The following METTL15 variants were observed in gnomAD, a reference collection of about 807,000 sequenced individuals.
The protein encoded by METTL15 is methyltransferase 15, mitochondrial 12S rRNA N4-cytidine, also known as 12S rRNA N(4)-cytidine methyltransferase METTL15.
Under a neutral mutation model 38.3 loss-of-function variants are expected in METTL15, and 34 were observed. That is an observed-to-expected ratio of 0.89 (90% CI 0.68 to 1.18). The LOEUF (loss-of-function observed/expected upper bound fraction) is 1.18. METTL15 is among the 50% of genes most tolerant of loss of function. The pLI is 0.00. For synonymous variants in METTL15, 162 were observed against 170.9 expected, an observed-to-expected ratio of 0.95 and a Z score of 0.41; for missense variants, 438 against 498.4, an observed-to-expected ratio of 0.88 and a Z score of 1.15.
intron 6 of METTL15, among the ~76,000 whole-genome samples, chr11:28,477,998 C>G (rs1851361271): frequency 6.6e-6 from 1 of 152,100 alleles, no homozygotes; most frequent in Admixed American, 6.6e-5. Context: ...ATACTACCAC[C>G]AGATCCTAAG....
At chr11:28,495,878 A>G (rs1422705017) in intron 6 of METTL15, among the ~76,000 whole-genome samples, 12 of 152,184 alleles carry the variant, frequency 7.9e-5, no homozygotes, top group Non-Finnish European at 5.9e-5. Context: ...GAAAAGATCC[A>G]TGTTGAGAAA....
chr11:28,386,744 A>G (rs1850445208), intron 5 of METTL15, among the ~76,000 whole-genome samples: 1 of 152,016 alleles, frequency 6.6e-6, no homozygotes, highest in Non-Finnish European at 1.5e-5. Context: ...ACTGTACCCA[A>G]TAGCAACACA....
At chr11:28,409,055 T>C (rs1425635499) in intron 5 of METTL15, among the ~76,000 whole-genome samples, 1 of 152,162 alleles carries the variant, frequency 6.6e-6, no homozygotes, top group Non-Finnish European at 1.5e-5. Context: ...GGATAGATCA[T>C]GTTTTAGGCC....
At chr11:28,139,097 C>T (rs1849611126) in intron 3 of METTL15, among the ~76,000 whole-genome samples, 1 of 152,176 alleles carries the variant, frequency 6.6e-6, no homozygotes, top group East Asian at 1.9e-4. Flanking sequence ...GCATGTCAGA[C>T]TTCTGGGTTT....
chr11:28,377,883 C>G (rs1324107941), intron 5 of METTL15, among the ~76,000 whole-genome samples: 1 of 151,844 alleles, frequency 6.6e-6, no homozygotes, highest in Admixed American at 6.6e-5. Context: ...CAGACAGGAC[C>G]CTCAGCTGCA....
intron 3 of METTL15, among the ~76,000 whole-genome samples, chr11:28,181,110 AT>A (rs2133782850): frequency 6.6e-6 from 1 of 151,786 alleles, no homozygotes; most frequent in African/African-American, 2.4e-5. Context: ...ATAAAGAAAA[AT>A]ATGTATGCCC....
Position 28,392,917 on chromosome 11 carries a change from G to C in METTL15, c.*358+30881G>C, listed in dbSNP as rs111288774. Among the ~76,000 whole-genome samples the C allele has an allele frequency of 1.5e-4, 23 of 152,094 alleles. 1 individual carries two copies. The highest frequency in any genetic ancestry group is 5.1e-4 in the African/African-American group (21 of 41,514). On this transcript the variant is annotated intron_variant and NMD_transcript_variant, in intron 5 of 7. Transcript: ENST00000532947. ...TTATGAAAAGATGTTGAACATCACT[G>C]ATCATTAGGGTGATACAAATCAAAA...
chr11:28,507,023 G>A (rs1851633841), intron 6 of METTL15, among the ~76,000 whole-genome samples: 1 of 152,092 alleles, frequency 6.6e-6, no homozygotes, highest in South Asian at 2.1e-4. Context: ...GGAATTATAG[G>A]CCTGAGCCCA....
intron 6 of METTL15, among the ~76,000 whole-genome samples, chr11:28,315,711 G>A (rs549387377): frequency 6.6e-6 from 1 of 152,322 alleles, no homozygotes; most frequent in African/African-American, 2.4e-5. Context: ...ATGGATTCAT[G>A]GGCCAGGCCC....
intron 4 of METTL15, among the ~76,000 whole-genome samples, chr11:28,236,135 C>G (rs1001962207): frequency 5.9e-5 from 9 of 152,186 alleles, no homozygotes; most frequent in African/African-American, 1.9e-4. Flanking sequence ...ATTGAACCAG[C>G]CTTGCATCCC....
At chr11:28,190,063 C>A (rs1851644865) in intron 3 of METTL15, among the ~76,000 whole-genome samples, 1 of 151,018 alleles carries the variant, frequency 6.6e-6, no homozygotes, top group Admixed American at 6.6e-5. Flanking sequence ...TTATTGACTA[C>A]TTTAATTTTT....
In METTL15 at chr11:28,186,579, C is replaced by T. The variant is rs983022385; in HGVS notation, c.271-24483C>T. The stretch of plus-strand genomic sequence containing the variant: ...AGATAACTATAAATGCCTAGTTTTT[C>T]ATCATATACAAAAATATATAGTACT... On this transcript the variant is annotated intron_variant, in intron 3 of 6. Transcript: ENST00000407364. 4.6e-5 allele frequency among the ~76,000 whole-genome samples: 7 copies of T among 150,988 alleles called. No individual in the cohort carries two copies. The South Asian group carries it at 1.2e-3, about 27-fold the overall frequency.
At chr11:28,327,148 C>T (rs1042244854) in intron 6 of METTL15, among the ~76,000 whole-genome samples, 1 of 152,124 alleles carries the variant, frequency 6.6e-6, no homozygotes, top group Non-Finnish European at 1.5e-5. Context: ...ACACATTGCT[C>T]ATTGCAGACC....
intron 6 of METTL15, among the ~76,000 whole-genome samples, chr11:28,518,067 C>G (rs1183847210): frequency 6.6e-6 from 1 of 152,100 alleles, no homozygotes; most frequent in South Asian, 2.1e-4. Context: ...TCCCTATTGA[C>G]TGGGAAGAAG....
At chr11:28,433,163 G>GTTTTTTTTTTTT (rs1209820099) in intron 6 of METTL15, among the ~76,000 whole-genome samples, 6 of 93,764 alleles carry the variant, frequency 6.4e-5, no homozygotes, top group African/African-American at 5.7e-5. Context: ...GTTTTGTTTT[G>GTTTTTTTTTTTT]TTTTTTTTGT....
chr11:28,252,244 A>T (rs1007737988), intron 4 of METTL15, among the ~76,000 whole-genome samples: 1 of 152,174 alleles, frequency 6.6e-6, no homozygotes, highest in Admixed American at 6.5e-5. Context: ...GGAAAATATA[A>T]AGAAGGGAAA....
chr11:28,251,708 TCTACTC>T (rs1386004954), intron 4 of METTL15, among the ~76,000 whole-genome samples: 2 of 152,024 alleles, frequency 1.3e-5, no homozygotes, highest in Non-Finnish European at 2.9e-5. Context: ...ACCTTAGCCA[TCTACTC>T]ACATGATTAT....
At chr11:28,398,482 A>C (rs1057377723) in intron 5 of METTL15, among the ~76,000 whole-genome samples, 6 of 152,066 alleles carry the variant, frequency 3.9e-5, no homozygotes, top group Non-Finnish European at 2.9e-5. Flanking sequence ...TCTTCTTTTG[A>C]GAAGTGTCTG....
intron 4 of METTL15, among the ~76,000 whole-genome samples, chr11:28,246,618 C>A (rs1441577304): frequency 6.6e-6 from 1 of 152,076 alleles, no homozygotes; most frequent in Non-Finnish European, 1.5e-5. Flanking sequence ...AGTAAATGAT[C>A]AATAGAATTG....
Sources: allele counts gnomAD v4.1 joint callset (sites outside exome capture counted in the v4.1 genomes callset), GRCh38; gene constraint gnomAD v4.1.1; transcripts MANE v1.5; gene names NCBI Gene and HGNC (gene_info 2026-07-23, HGNC 2026-07-21).